Variants in JAKMIP2 observed in about 807,000 individuals in gnomAD.
JAKMIP2 encodes janus kinase and microtubule interacting protein 2.
In JAKMIP2, 25 loss-of-function variants were observed where a neutral mutation model predicts 115.0. That is an observed-to-expected ratio of 0.22 (90% confidence interval 0.16 to 0.30). JAKMIP2 has a LOEUF of 0.30. JAKMIP2 is among the 10% of genes least tolerant of loss of function. The pLI, the probability that JAKMIP2 is intolerant of heterozygous loss-of-function variation, is 1.00. For missense variants in JAKMIP2, 642 were observed against 957.6 expected, an observed-to-expected ratio of 0.67 and a Z score of 4.35; for synonymous variants, 334 against 343.6, an observed-to-expected ratio of 0.97 and a Z score of 0.31.
At chr5:147,759,147 C>A (rs746592718) in intron 1 of JAKMIP2, among the ~76,000 whole-genome samples, 1 of 151,352 alleles carries the variant, frequency 6.6e-6, no homozygotes, top group Non-Finnish European at 1.5e-5. Flanking sequence ...CATGCCCATA[C>A]CAGAAGATGT....
intron 1 of JAKMIP2, among the ~76,000 whole-genome samples, chr5:147,688,358 C>G (rs1480127719): frequency 6.6e-6 from 1 of 152,104 alleles, no homozygotes; most frequent in Non-Finnish European, 1.5e-5. Flanking sequence ...CAAGGGAGTG[C>G]TTTAATCCTG....
intron 1 of JAKMIP2, among the ~76,000 whole-genome samples, chr5:147,701,300 G>C (rs1752316327): frequency 6.6e-6 from 1 of 152,138 alleles, no homozygotes; most frequent in Admixed American, 6.6e-5. Flanking sequence ...AAAGATAAAA[G>C]GAGTGCTGAT....
intron 1 of JAKMIP2, among the ~76,000 whole-genome samples, chr5:147,722,281 C>T (rs980935165): frequency 1.3e-5 from 2 of 152,184 alleles, no homozygotes; most frequent in Non-Finnish European, 2.9e-5. Context: ...TTTAAGGATG[C>T]TGTTATAACT....
chr5:147,618,411 T>C (rs1756689770), intron 18 of JAKMIP2, among the ~76,000 whole-genome samples: 1 of 152,200 alleles, frequency 6.6e-6, no homozygotes, highest in African/African-American at 2.4e-5. Context: ...TATCCTAAAG[T>C]GTAGCTGAGA....
At chr5:147,764,750 G>C (rs2127056224) in intron 1 of JAKMIP2, among the ~76,000 whole-genome samples, 1 of 151,340 alleles carries the variant, frequency 6.6e-6, no homozygotes, top group East Asian at 2.0e-4. Flanking sequence ...GCTGGGCATG[G>C]TGGCACACAC....
At chr5:147,746,831 A>G (rs534674539) in intron 1 of JAKMIP2, among the ~76,000 whole-genome samples, 1 of 152,208 alleles carries the variant, frequency 6.6e-6, no homozygotes, top group Non-Finnish European at 1.5e-5. Flanking sequence ...CTAGTAGTCC[A>G]CTGGTTTCCT....
At position 147,612,306 on chromosome 5, in the gene JAKMIP2, C is replaced by T. The variant is rs756823887; in HGVS notation, c.2412G>A (p.Lys804=). Residue 804 remains lysine, a splice_region_variant and synonymous_variant, in exon 20 of 22, where the codon AAG becomes AAA. Transcript: ENST00000616793. ...QKRQIKDLEE[K]FLFLFLFFSL... is the part of the protein sequence containing the mutation. Reference sequence around the variant, plus strand: ...GATAGTTATTGAATTTGACACCTACCTTTTCTTCTAAGTCTTTTATTTGTC... The same window carrying T: ...GATAGTTATTGAATTTGACACCTACTTTTTCTTCTAAGTCTTTTATTTGTC... 1 of 1,527,824 alleles carries T rather than the reference C, an allele frequency of 6.5e-7. No individual in the cohort carries two copies. Among genetic ancestry groups the T allele is most frequent in the Non-Finnish European group, 9.0e-7 (1 of 1,106,406 alleles). 94.6% of individuals were successfully genotyped at this position (1,527,824 alleles called of 1,614,324 possible). A position where few individuals can be genotyped will look rare whatever the true frequency, so the allele number is the denominator to read the frequency against.
intron 1 of JAKMIP2, among the ~76,000 whole-genome samples, chr5:147,747,053 C>G (rs1414562603): frequency 6.6e-6 from 1 of 152,088 alleles, no homozygotes; most frequent in Non-Finnish European, 1.5e-5. Flanking sequence ...CAGGTAAGCT[C>G]GAATGTCTTT....
chr5:147,748,516 T>C (rs1754435555), intron 1 of JAKMIP2, among the ~76,000 whole-genome samples: 1 of 152,172 alleles, frequency 6.6e-6, no homozygotes, highest in Non-Finnish European at 1.5e-5. Flanking sequence ...GCTTGAAAAA[T>C]TGAGCTGCAG....
chr5:147,632,631 A>C (rs1259578987), intron 13 of JAKMIP2, 49 bp downstream of exon 13: 1 of 1,176,432 alleles, frequency 8.5e-7, no homozygotes, highest in Non-Finnish European at 1.3e-6. Context: ...TGCTCTGTGC[A>C]TGTTAATCAT....
chr5:147,646,732 G>A (rs1347139), intron 5 of JAKMIP2, among the ~76,000 whole-genome samples: 27,405 of 150,886 alleles, frequency 0.18, 4,651 homozygotes, highest in East Asian at 0.46. Flanking sequence ...AAAATCTGAT[G>A]TAGTTCAACT....
intron 9 of JAKMIP2, among the ~76,000 whole-genome samples, chr5:147,639,987 T>C (rs1757806425): frequency 6.6e-6 from 1 of 152,156 alleles, no homozygotes; most frequent in Admixed American, 6.5e-5. Context: ...AAAAGAAGCA[T>C]TTAGCATTTG....
intron 19 of JAKMIP2, among the ~76,000 whole-genome samples, chr5:147,616,044 T>C (rs1756560262): frequency 6.6e-6 from 1 of 152,136 alleles, no homozygotes. Context: ...CCAGTGTTTC[T>C]AGCCGGAGTG....
At position 147,723,284 on chromosome 5, in the gene JAKMIP2, C is replaced by G. The variant is rs77301865; in HGVS notation, c.-148-51330G>C. On this transcript the variant is annotated intron_variant, in intron 1 of 21. Transcript: ENST00000616793. Reference sequence around the variant, plus strand: ...GGCATTTGGTATCTTAGCCCTCTCACATATGTTAAATGGAATACTTTTCAA... The same window carrying G: ...GGCATTTGGTATCTTAGCCCTCTCAGATATGTTAAATGGAATACTTTTCAA... 4.8e-3 allele frequency among the ~76,000 whole-genome samples: 724 copies of G among 152,226 alleles called. 14 individuals carry two copies. Among genetic ancestry groups the G allele is most frequent in the African/African-American group, 0.015 (613 of 41,546 alleles).
intron 1 of JAKMIP2, among the ~76,000 whole-genome samples, chr5:147,778,502 T>C (rs1173054193): frequency 6.6e-6 from 1 of 152,102 alleles, no homozygotes; most frequent in Admixed American, 6.5e-5. Context: ...ACCTTTCTAC[T>C]GTTGTAGTTT....
chr5:147,736,324 C>T lies in JAKMIP2; in HGVS notation c.-149+46132G>A, dbSNP rs534438947. Among the ~76,000 whole-genome samples, 4 of 151,642 alleles carry T rather than the reference C, an allele frequency of 2.6e-5. No homozygotes were observed. The South Asian group carries it at 6.3e-4, about 24-fold the overall frequency. On this transcript the variant is annotated intron_variant, in intron 1 of 21. Transcript: ENST00000616793. ...TACAAAAAAAAAAATAGCTGCATGT[C>T]GGGGCACACATCTGTAGTCCCAGCT...
At chr5:147,626,364 G>C (rs981157728) in intron 16 of JAKMIP2, among the ~76,000 whole-genome samples, 5 of 152,140 alleles carry the variant, frequency 3.3e-5, no homozygotes, top group African/African-American at 1.2e-4. Flanking sequence ...AGTAAGCAGA[G>C]GCATGGGCTA....
intron 7 of JAKMIP2, among the ~76,000 whole-genome samples, chr5:147,642,278 A>G (rs1204781750): frequency 6.6e-6 from 1 of 152,096 alleles, no homozygotes; most frequent in African/African-American, 2.4e-5. Flanking sequence ...AGCGGGTTGG[A>G]GCCATTTAGT....
intron 3 of JAKMIP2, among the ~76,000 whole-genome samples, chr5:147,652,343 C>A (rs549811989): frequency 2.0e-5 from 3 of 152,194 alleles, no homozygotes; most frequent in East Asian, 3.9e-4. Context: ...TAAGCATTTC[C>A]CAAAGTGGTT....
Sources: gnomAD v4.1 joint callset for allele counts (sites outside exome capture counted in the v4.1 genomes callset) on GRCh38, gnomAD v4.1.1 for gene constraint, MANE v1.5 for transcripts, NCBI Gene and HGNC (gene_info 2026-07-23, HGNC 2026-07-21) for gene names.